The following AVL9 variants were observed in gnomAD, a reference collection of about 807,000 sequenced individuals.
The protein encoded by AVL9 is late secretory pathway protein AVL9 homolog.
Under a neutral mutation model 79.2 loss-of-function variants are expected in AVL9, and 49 were observed. The observed-to-expected ratio is 0.62, with a 90% CI of 0.49 to 0.79. The LOEUF (loss-of-function observed/expected upper bound fraction) is 0.79. AVL9 is among the 30% of genes least tolerant of loss of function. The probability of loss-of-function intolerance (pLI) is 0.00; values close to 1 mark genes in which losing one functional copy is unlikely to be tolerated. For synonymous variants in AVL9, 299 were observed against 280.6 expected, an observed-to-expected ratio of 1.07 and a Z score of -0.65; for missense variants, 682 against 776.8, an observed-to-expected ratio of 0.88 and a Z score of 1.45.
intron 1 of AVL9, among the ~76,000 whole-genome samples, chr7:32,521,342 C>T (rs1311657174): frequency 2.0e-5 from 3 of 152,188 alleles, no homozygotes; most frequent in Non-Finnish European, 2.9e-5. Context: ...GCCCAAAATA[C>T]TGATAACGAT....
chr7:32,560,513 C>G (rs953736090), intron 10 of AVL9, among the ~76,000 whole-genome samples: 11 of 152,140 alleles, frequency 7.2e-5, no homozygotes, highest in African/African-American at 1.7e-4. Context: ...TGCAGCAATT[C>G]AGTCACATTT....
chr7:32,536,606 A>G (rs1028930276), intron 1 of AVL9: 2 of 152,112 alleles, frequency 1.3e-5, no homozygotes, highest in African/African-American at 4.8e-5. Flanking sequence ...TCTACAATTC[A>G]GTCATATTGT....
At chr7:32,502,392 CAA>C (rs70992721) in intron 1 of AVL9, among the ~76,000 whole-genome samples, 52 of 114,352 alleles carry the variant, frequency 4.5e-4, no homozygotes, top group African/African-American at 1.2e-3. Context: ...AACCCTTTCT[CAA>C]AAAAAAAAAA....
intron 1 of AVL9, among the ~76,000 whole-genome samples, chr7:32,497,810 C>T (rs553933998): frequency 6.6e-6 from 1 of 152,236 alleles, no homozygotes; most frequent in South Asian, 2.1e-4. Flanking sequence ...CGCCACCGCG[C>T]CCGGCTAATT....
intron 3 of AVL9, among the ~76,000 whole-genome samples, chr7:32,545,831 G>A (rs10486509): frequency 5.9e-4 from 90 of 152,060 alleles, no homozygotes; most frequent in African/African-American, 2.1e-3. Flanking sequence ...CCTCTCAAAA[G>A]GTCATTAATA....
chr7:32,541,760 G>C (rs1361649685), intron 1 of AVL9, among the ~76,000 whole-genome samples: 1 of 151,636 alleles, frequency 6.6e-6, no homozygotes, highest in Non-Finnish European at 1.5e-5. Context: ...TGTTGCCCAG[G>C]CTGCAGTGCA....
chr7:32,553,836 C>A, intron 7 of AVL9, 69 bp downstream of exon 7: 1 of 1,098,862 alleles, frequency 9.1e-7, no homozygotes, highest in Non-Finnish European at 1.4e-6. Context: ...TCTTAGTGTG[C>A]TCATTTAACT....
rs753701377 is a variant in AVL9 at position 32,559,147 on chromosome 7, G to C, written c.898G>C (p.Val300Leu). 6.2e-7 allele frequency: 1 copy of C among 1,614,118 alleles called. No homozygotes were observed. The highest frequency in any genetic ancestry group is 8.5e-7 in the Non-Finnish European group (1 of 1,180,026). ...AMKTEEPLFQ[V>L]EDSSKGQEPN... ...GAAGACTGAGGAGCCTTTGTTCCAA[G>C]TGGAAGACAGCAGCAAAGGGCAGGA... The change falls in exon 10 of 16, where the codon GTG becomes CTG. Residue 300 changes from valine to leucine, a missense_variant. Transcript: ENST00000318709.
intron 10 of AVL9, 42 bp from the exon 11 acceptor site, chr7:32,569,978 T>A (rs1310624940): frequency 6.3e-7 from 1 of 1,597,366 alleles, no homozygotes; most frequent in Non-Finnish European, 8.6e-7. Flanking sequence ...AAAGGTAACC[T>A]TTTACTTTTC....
intron 11 of AVL9, among the ~76,000 whole-genome samples, chr7:32,572,346 A>G (rs1259637490): frequency 1.3e-5 from 2 of 151,066 alleles, no homozygotes; most frequent in Non-Finnish European, 2.9e-5. Flanking sequence ...AGACAGGAGG[A>G]TACAGATGGG....
chr7:32,580,882 A>C lies in AVL9; in HGVS notation c.1823A>C (p.Lys608Thr). The change falls in exon 15 of 16, where the codon AAA becomes ACA. Residue 608 changes from lysine to threonine, a missense_variant. Physicochemically the swap from Lys to Thr is moderately conservative, Grantham distance 78 (BLOSUM62 -1). Coordinates refer to ENST00000318709, the MANE Select transcript of AVL9 (RefSeq NM_015060.3). ...AGCCGGAATGTTGTACAAACAGGAA[A>C]AGCTGTTGGTAAGACATGCCTTTAG... ...TTSRNVVQTG[K>T]AVGQSVGGAF... The C allele has an allele frequency of 6.2e-7, 1 of 1,613,516 alleles. No homozygotes were observed. Among genetic ancestry groups the C allele is most frequent in the Non-Finnish European group, 8.5e-7 (1 of 1,179,654 alleles).
intron 8 of AVL9, among the ~76,000 whole-genome samples, chr7:32,556,145 A>G (rs1199479090): frequency 6.6e-6 from 1 of 152,184 alleles, no homozygotes; most frequent in Non-Finnish European, 1.5e-5. Flanking sequence ...AAAGATATCA[A>G]CCTAGTTTGG....
rs1554340432 is a variant in AVL9, at chr7:32,546,083, T to TTTTTTTA, written c.300+1304_300+1305insTTTTTTA. ...TTACCTGGAGACTTTTTTTTTTTTT[T>TTTTTTTA]AAATATCTGTACCTAGCTTTTCCTC... On this transcript the variant is annotated intron_variant, in intron 3 of 15. Coordinates refer to ENST00000318709, the MANE Select transcript of AVL9 (RefSeq NM_015060.3). Among the ~76,000 whole-genome samples the TTTTTTTA allele has an allele frequency of 5.5e-3, 798 of 144,778 alleles. 27 individuals are homozygous for TTTTTTTA. Among genetic ancestry groups the TTTTTTTA allele is most frequent in the African/African-American group, 0.014 (537 of 39,358 alleles). 95.0% of individuals were successfully genotyped at this position (144,778 alleles called of 152,430 possible). A position where few individuals can be genotyped will look rare whatever the true frequency, so the allele number is the denominator to read the frequency against.
chr7:32,577,332 G>T (rs551031917), intron 13 of AVL9, among the ~76,000 whole-genome samples: 2 of 152,202 alleles, frequency 1.3e-5, no homozygotes, highest in Non-Finnish European at 2.9e-5. Context: ...CACCAATTTT[G>T]GTGAATTTAA....
intron 1 of AVL9, among the ~76,000 whole-genome samples, chr7:32,541,808 G>T (rs1789223063): frequency 6.6e-6 from 1 of 151,428 alleles, no homozygotes; most frequent in East Asian, 1.9e-4. Flanking sequence ...TCCACCTCCT[G>T]GGTTCAAGCA....
chr7:32,557,935 A>G (rs559019101), intron 8 of AVL9, among the ~76,000 whole-genome samples: 2 of 148,518 alleles, frequency 1.3e-5, no homozygotes, highest in East Asian at 3.9e-4. Context: ...AGCTCACTGT[A>G]ACCTCCACCT....
intron 1 of AVL9, among the ~76,000 whole-genome samples, chr7:32,497,901 T>A (rs1786928171): frequency 1.3e-5 from 2 of 152,212 alleles, no homozygotes; most frequent in Admixed American, 1.3e-4. Context: ...TCCGCCCGCC[T>A]CGGCCTCCCA....
rs1367422093 is a variant in AVL9 at position 32,559,477 on chromosome 7, A to AT, written c.1215+19dup. On this transcript the variant is annotated intron_variant, in intron 10 of 15. Transcript: ENST00000318709. ...CATCTTCACAAAGGTAAAGTGTAAT[A>AT]TTTTTTATCGAATTCCTTAAAGAAT... is the stretch of plus-strand genomic sequence containing the variant. 5 of 1,503,320 alleles carry AT rather than the reference A, an allele frequency of 3.3e-6. No individual in the cohort carries two copies. Among genetic ancestry groups the AT allele is most frequent in the African/African-American group, 1.4e-5 (1 of 71,442 alleles). 93.1% of individuals were successfully genotyped at this position (1,503,320 alleles called of 1,614,324 possible).
chr7:32,507,544 G>A (rs575154596), intron 1 of AVL9, among the ~76,000 whole-genome samples: 1 of 152,264 alleles, frequency 6.6e-6, no homozygotes, highest in African/African-American at 2.4e-5. Flanking sequence ...TCAGCATTAT[G>A]CTTGTGGAAT....
Sources: allele counts gnomAD v4.1 joint callset (sites outside exome capture counted in the v4.1 genomes callset), GRCh38; gene constraint gnomAD v4.1.1; transcripts MANE v1.5; gene names NCBI Gene and HGNC (gene_info 2026-07-23, HGNC 2026-07-21).